Variants in PTPRR observed in about 807,000 individuals in gnomAD.
PTPRR encodes the protein protein tyrosine phosphatase receptor type R.
A neutral mutation model predicts 77.2 loss-of-function variants in PTPRR; 38 were observed. The observed-to-expected ratio is 0.49, with a 90% CI of 0.38 to 0.65. PTPRR has a LOEUF of 0.65. Among genes scored for constraint, PTPRR ranks in the 30% least tolerant of loss-of-function variants. The pLI is 0.00. For missense variants in PTPRR, 744 were observed against 799.2 expected (o/e 0.93, Z 0.83); for synonymous variants, 299 against 283.1 (o/e 1.06, Z -0.57).
In PTPRR at chr12:70,638,445, G is replaced by T. The variant is rs972855483; in HGVS notation, c.*739C>A. The T allele has an allele frequency of 3.9e-5, 6 of 152,486 alleles. No individual in the cohort carries two copies. Among genetic ancestry groups the T allele is most frequent in the African/African-American group, 1.4e-4 (6 of 41,404 alleles). 9.4% of individuals were successfully genotyped at this position (152,486 alleles called of 1,614,324 possible). A position where few individuals can be genotyped will look rare whatever the true frequency, so the allele number is the denominator to read the frequency against. ...TTTAAAGTAAAATGACTCACGATGT[G>T]GAAATACAGTGGATAGAGTTCTGGA... is the stretch of plus-strand genomic sequence containing the variant. On this transcript the variant is annotated 3_prime_UTR_variant, in exon 14 of 14. Coordinates refer to ENST00000283228, the MANE Select transcript of PTPRR (RefSeq NM_002849.4).
chr12:70,849,114 G>C (rs1356043204), intron 2 of PTPRR, among the ~76,000 whole-genome samples: 1 of 152,136 alleles, frequency 6.6e-6, no homozygotes, highest in Non-Finnish European at 1.5e-5. Flanking sequence ...AAGAAAAGAT[G>C]TAGGTAGAAT....
intron 2 of PTPRR, among the ~76,000 whole-genome samples, chr12:70,868,735 C>T (rs990356091): frequency 1.3e-5 from 2 of 152,000 alleles, no homozygotes; most frequent in African/African-American, 4.8e-5. Flanking sequence ...GACACATGCA[C>T]ATGTATGTTG....
At chr12:70,697,450 T>C (rs1888267742) in intron 8 of PTPRR, among the ~76,000 whole-genome samples, 1 of 152,180 alleles carries the variant, frequency 6.6e-6, no homozygotes, top group Admixed American at 6.6e-5. Flanking sequence ...TTGCGTATTG[T>C]AGCTACATGT....
chr12:70,917,139 CATA>C (rs1208559786), intron 1 of PTPRR, among the ~76,000 whole-genome samples: 1 of 152,156 alleles, frequency 6.6e-6, no homozygotes, highest in African/African-American at 2.4e-5. Flanking sequence ...GGATCTTCCA[CATA>C]ATATTTTTTT....
Position 70,639,100 on chromosome 12 carries a change from G to T in PTPRR, c.*84C>A. 8.6e-7 allele frequency: 1 copy of T among 1,156,860 alleles called. No homozygotes were observed. The highest frequency in any genetic ancestry group is 1.9e-5 in the Admixed American group (1 of 53,688). 71.7% of individuals were successfully genotyped at this position (1,156,860 alleles called of 1,614,324 possible). On this transcript the variant is annotated 3_prime_UTR_variant, in exon 14 of 14. Transcript: ENST00000283228. ...TTCAGAGCTTCTCCTTCCTTCCATT[G>T]CAGGAAGCTCCTTCTAGAAGCCTTG...
chr12:70,681,553 G>A (rs1887661629), intron 10 of PTPRR, among the ~76,000 whole-genome samples: 1 of 152,180 alleles, frequency 6.6e-6, no homozygotes, highest in Non-Finnish European at 1.5e-5. Flanking sequence ...GGCAGAGGCA[G>A]AGTGCTTCAT....
At chr12:70,884,807 G>A (rs1175731355) in intron 2 of PTPRR, among the ~76,000 whole-genome samples, 1 of 141,460 alleles carries the variant, frequency 7.1e-6, no homozygotes, top group Non-Finnish European at 1.5e-5. Flanking sequence ...GAGAGGCGGA[G>A]CTTGCAGTGA....
intron 6 of PTPRR, among the ~76,000 whole-genome samples, chr12:70,731,514 G>C (rs1156932200): frequency 2.0e-5 from 3 of 152,168 alleles, no homozygotes. Context: ...TATTTACGCT[G>C]TATTAACAGG....
intron 8 of PTPRR, among the ~76,000 whole-genome samples, chr12:70,694,511 A>G (rs1888161384): frequency 6.6e-6 from 1 of 152,204 alleles, no homozygotes; most frequent in African/African-American, 2.4e-5. Context: ...AGCAACATGG[A>G]TGCAGCTGGA....
At chr12:70,678,448 C>T (rs2136715360) in intron 10 of PTPRR, among the ~76,000 whole-genome samples, 1 of 151,358 alleles carries the variant, frequency 6.6e-6, no homozygotes, top group Non-Finnish European at 1.5e-5. Flanking sequence ...GGAATTTATT[C>T]ATTTTTTTTT....
At chr12:70,794,047 G>A (rs1174072993) in intron 2 of PTPRR, among the ~76,000 whole-genome samples, 2 of 152,046 alleles carry the variant, frequency 1.3e-5, no homozygotes, top group Non-Finnish European at 2.9e-5. Context: ...CTTTACTAAT[G>A]AACTATTTAA....
At chr12:70,818,785 GAAAT>G (rs1178280809) in intron 2 of PTPRR, among the ~76,000 whole-genome samples, 1 of 151,590 alleles carries the variant, frequency 6.6e-6, no homozygotes, top group East Asian at 1.9e-4. Context: ...AAAAATAAAA[GAAAT>G]AAATAATGAT....
rs139689641 is a variant in PTPRR at position 70,880,497 on chromosome 12, GGTTTT to G, written c.357+12177_357+12181del. ...CCCCACTATTTTCTCCCTGCCACAT[GGTTTT>G]GTTTTGTTTTTTTCATTGCACTTAG... is the stretch of plus-strand genomic sequence containing the variant. On this transcript the variant is annotated intron_variant, in intron 2 of 13. Transcript: ENST00000283228. 2.6e-3 allele frequency among the ~76,000 whole-genome samples: 390 copies of G among 151,986 alleles called. 1 individual carries two copies. The highest frequency in any genetic ancestry group is 3.9e-3 in the Non-Finnish European group (263 of 67,932).
chr12:70,667,386 A>G (rs1315044169), intron 10 of PTPRR, among the ~76,000 whole-genome samples: 1 of 152,210 alleles, frequency 6.6e-6, no homozygotes, highest in Non-Finnish European at 1.5e-5. Flanking sequence ...CATGCCTGGA[A>G]GGACAGGAGA....
At chr12:70,789,086 G>T (rs182429676) in intron 2 of PTPRR, 3 of 448,220 alleles carry the variant, frequency 6.7e-6, no homozygotes, top group African/African-American at 6.2e-5. Context: ...TGAAATTCAT[G>T]GGGATTTTTT....
intron 5 of PTPRR, among the ~76,000 whole-genome samples, 193 bp downstream of exon 5, chr12:70,753,998 T>C (rs1890486501): frequency 6.6e-6 from 1 of 152,156 alleles, no homozygotes; most frequent in Admixed American, 6.6e-5. Flanking sequence ...ATTATTCAGG[T>C]CAGCATCCTT....
At chr12:70,819,790 A>T (rs1468638680) in intron 2 of PTPRR, among the ~76,000 whole-genome samples, 1 of 152,208 alleles carries the variant, frequency 6.6e-6, no homozygotes, top group Non-Finnish European at 1.5e-5. Flanking sequence ...GCTTTTGGTC[A>T]AACTTATTTG....
intron 2 of PTPRR, among the ~76,000 whole-genome samples, chr12:70,815,560 G>A (rs761374311): frequency 3.9e-5 from 6 of 152,116 alleles, no homozygotes; most frequent in South Asian, 2.1e-4. Context: ...TGAGTTTACC[G>A]TTAATATAAG....
At chr12:70,811,785 G>A (rs989847655) in intron 2 of PTPRR, among the ~76,000 whole-genome samples, 1 of 152,140 alleles carries the variant, frequency 6.6e-6, no homozygotes, top group African/African-American at 2.4e-5. Context: ...GGGCAGAGAG[G>A]TCAGTGACTG....
Sources: gnomAD v4.1 joint callset for allele counts (sites outside exome capture counted in the v4.1 genomes callset) on GRCh38, gnomAD v4.1.1 for gene constraint, MANE v1.5 for transcripts, NCBI Gene and HGNC (gene_info 2026-07-23, HGNC 2026-07-21) for gene names.